SLC24A2: variants seen among roughly 807,000 people sequenced by gnomAD.
The protein encoded by SLC24A2 is solute carrier family 24 member 2, also known as sodium/potassium/calcium exchanger 2.
In SLC24A2, 36 loss-of-function variants were observed where a neutral mutation model predicts 62.0. That is an observed-to-expected ratio of 0.58 (90% CI 0.44 to 0.77). SLC24A2 has a LOEUF of 0.77. SLC24A2 is among the 30% of genes least tolerant of loss of function. The probability of loss-of-function intolerance (pLI) is 0.00; values close to 1 mark genes in which losing one functional copy is unlikely to be tolerated. For missense variants in SLC24A2, 846 were observed against 817.9 expected (o/e 1.03, Z -0.42); for synonymous variants, 358 against 294.0 (o/e 1.22, Z -2.23).
chr9:19,636,315 T>TTTTCTTTTCTTTCCTTCCTTTCTTTC, intron 2 of SLC24A2, among the ~76,000 whole-genome samples: 1 of 40,328 alleles, frequency 2.5e-5, no homozygotes. Context: ...TTTTCTTTTC[T>TTTTCTTTTCTTTCCTTCCTTTCTTTC]TTTCTTTCTT....
chr9:20,186,865 G>A, the SLC24A2 span, among the ~76,000 whole-genome samples: 5 of 152,058 alleles, frequency 3.3e-5, no homozygotes, highest in Admixed American at 3.3e-4. Context: ...TTTTCCTTTA[G>A]CAATTACATC....
rs188259736 is a variant in SLC24A2, at chr9:19,520,801, G to C, written c.1736+93C>G. The C allele has an allele frequency of 2.5e-6, 3 of 1,206,948 alleles. No individual in the cohort carries two copies. The Admixed American group carries it at 5.1e-5, about 20-fold the overall frequency. The allele number at this position is 1,206,948 out of a possible 1,614,324, so 74.8% of individuals were successfully genotyped here. A position where few individuals can be genotyped will look rare whatever the true frequency, so the allele number is the denominator to read the frequency against. On this transcript the variant is annotated intron_variant, in intron 10 of 10. Transcript: ENST00000341998. ...CTGTATTGGTATTGGTTAGTCTTAG[G>C]TTCAGAGATCCTGGTCATGTCTTTC...
At chr9:19,533,750 A>T (rs979556863) in intron 8 of SLC24A2, among the ~76,000 whole-genome samples, 1 of 152,208 alleles carries the variant, frequency 6.6e-6, no homozygotes, top group African/African-American at 2.4e-5. Context: ...TTATGGGCTA[A>T]AAAATGTCTT....
the SLC24A2 span, among the ~76,000 whole-genome samples, chr9:20,241,991 A>G: frequency 6.6e-6 from 1 of 152,112 alleles, no homozygotes; most frequent in African/African-American, 2.4e-5. Flanking sequence ...TCTTCTTGAA[A>G]TTCTAATGAC....
the SLC24A2 span, among the ~76,000 whole-genome samples, chr9:20,173,237 A>C: frequency 6.6e-6 from 1 of 152,124 alleles, no homozygotes; most frequent in Admixed American, 6.6e-5. Flanking sequence ...CTGAACGGGG[A>C]AAAGCTGAAG....
intron 2 of SLC24A2, among the ~76,000 whole-genome samples, chr9:19,714,114 G>T (rs750030497): frequency 6.6e-6 from 1 of 152,174 alleles, no homozygotes; most frequent in Non-Finnish European, 1.5e-5. Context: ...CATTTTCAAG[G>T]TTTTTACTGA....
chr9:20,188,655 T>G, the SLC24A2 span, among the ~76,000 whole-genome samples: 1 of 152,082 alleles, frequency 6.6e-6, no homozygotes, highest in African/African-American at 2.4e-5. Flanking sequence ...GGCAGAAGGG[T>G]CAGAGTCAGG....
intron 7 of SLC24A2, among the ~76,000 whole-genome samples, chr9:19,554,032 C>A (rs2132763641): frequency 6.6e-6 from 1 of 152,242 alleles, no homozygotes; most frequent in Middle Eastern, 3.4e-3. Context: ...GAGATAGGAT[C>A]TTCAAAGAGG....
chr9:19,521,145 T>C, intron 9 of SLC24A2, 85 bp from the exon 10 acceptor site: 2 of 1,205,242 alleles, frequency 1.7e-6, no homozygotes, highest in East Asian at 2.5e-5. Flanking sequence ...CGACCTCCTT[T>C]TAATGCATTT....
chr9:19,924,257 T>A, the SLC24A2 span, among the ~76,000 whole-genome samples: 9 of 152,164 alleles, frequency 5.9e-5, no homozygotes, highest in Admixed American at 1.3e-4. Context: ...TCCTTCTCAG[T>A]CAGCTGAGAT....
chr9:19,687,239 T>C (rs1819909658), intron 2 of SLC24A2, among the ~76,000 whole-genome samples: 2 of 152,098 alleles, frequency 1.3e-5, no homozygotes, highest in South Asian at 2.1e-4. Context: ...ACACAATTTA[T>C]GTATCTAACA....
chr9:20,126,655 T>C, the SLC24A2 span, among the ~76,000 whole-genome samples: 4 of 152,312 alleles, frequency 2.6e-5, 1 homozygote, highest in East Asian at 7.7e-4. Flanking sequence ...ATCAAAAGTT[T>C]TCAACAAAAT....
chr9:20,298,723 T>C, the SLC24A2 span, among the ~76,000 whole-genome samples: 1 of 152,262 alleles, frequency 6.6e-6, no homozygotes, highest in African/African-American at 2.4e-5. Context: ...AGTCATTTAA[T>C]CTTTCCAAAC....
chr9:19,823,218 A>C, the SLC24A2 span, among the ~76,000 whole-genome samples: 1 of 152,146 alleles, frequency 6.6e-6, no homozygotes, highest in Non-Finnish European at 1.5e-5. Flanking sequence ...ATTTTTACAT[A>C]ATTTCAGATT....
rs1832841115 is a variant in SLC24A2 at position 19,514,169 on chromosome 9, C to G, written c.*1984G>C. 1 of 152,216 alleles carries G rather than the reference C, an allele frequency of 6.6e-6. No individual in the cohort carries two copies. Among genetic ancestry groups the G allele is most frequent in the African/African-American group, 2.4e-5 (1 of 41,446 alleles). 9.4% of individuals were successfully genotyped at this position (152,216 alleles called of 1,614,324 possible). On this transcript the variant is annotated 3_prime_UTR_variant, in exon 11 of 11. Coordinates refer to ENST00000341998, the MANE Select transcript of SLC24A2 (RefSeq NM_020344.4). ...GGGCATTTCCTGTTATTGCCATGCT[C>G]TGTGGGGTGAGCTGAGGTTTTCTGG...
chr9:19,815,104 T>G, the SLC24A2 span, among the ~76,000 whole-genome samples: 1 of 152,130 alleles, frequency 6.6e-6, no homozygotes, highest in Non-Finnish European at 1.5e-5. Context: ...GAGAGAACTT[T>G]CCTATTAAGT....
chr9:19,837,386 A>C, the SLC24A2 span, among the ~76,000 whole-genome samples: 1 of 133,868 alleles, frequency 7.5e-6, no homozygotes, highest in Non-Finnish European at 1.6e-5. Context: ...CGGGAAGTGG[A>C]GCTTGCAGTG....
the SLC24A2 span, among the ~76,000 whole-genome samples, chr9:19,829,577 A>C: frequency 6.6e-6 from 1 of 151,820 alleles, no homozygotes; most frequent in East Asian, 1.9e-4. Context: ...CTTAAAAAAA[A>C]ACTATAAGCT....
intron 2 of SLC24A2, among the ~76,000 whole-genome samples, chr9:19,697,463 T>G (rs17577581): frequency 0.2 from 30,771 of 152,158 alleles, 3,215 homozygotes; most frequent in Middle Eastern, 0.25. Context: ...AAAAAAATCT[T>G]TTCCTTGGCA....
Sources: gnomAD v4.1 joint callset for allele counts (sites outside exome capture counted in the v4.1 genomes callset) on GRCh38, gnomAD v4.1.1 for gene constraint, MANE v1.5 for transcripts, NCBI Gene and HGNC (gene_info 2026-07-23, HGNC 2026-07-21) for gene names.